Variants in NCAM2 observed in about 807,000 individuals in gnomAD.
NCAM2 encodes N-CAM-2.
In NCAM2, 30 loss-of-function variants were observed where a neutral mutation model predicts 98.1. The ratio of observed to expected loss-of-function variants is 0.31; its 90% CI spans 0.23 to 0.41. The LOEUF is 0.41. Among genes scored for constraint, NCAM2 ranks in the 10% least tolerant of loss-of-function variants. The pLI is 1.00. For synonymous variants in NCAM2, 368 were observed against 342.4 expected, an observed-to-expected ratio of 1.07 and a Z score of -0.83; for missense variants, 867 against 1,005.8, an observed-to-expected ratio of 0.86 and a Z score of 1.87.
chr21:21,533,166 C>CTTTTTTTTTTTTTTTTTTTTTTTTTTTTT (rs201532023), intron 16 of NCAM2, among the ~76,000 whole-genome samples: 2 of 93,794 alleles, frequency 2.1e-5, no homozygotes, highest in African/African-American at 4.2e-5. Flanking sequence ...TGTTTGCTTG[C>CTTTTTTTTTTTTTTTTTTTTTTTTTTTTT]TTTTTTTTTT....
At position 21,164,054 on chromosome 21, in the gene NCAM2, G is replaced by GA. The variant is rs555805292; in HGVS notation, c.56-116516dup. On this transcript the variant is annotated intron_variant, in intron 1 of 17. Transcript: ENST00000400546. ...GTCTCAACCAACATCCCAGGACCTA[G>GA]AAAAAAAATCTATTTATATTTAGCA... Among the ~76,000 whole-genome samples the GA allele has an allele frequency of 6.6e-5, 10 of 151,942 alleles. No homozygotes were observed. In the East Asian group the frequency reaches 7.8e-4, roughly 12 times the overall value.
rs1337739635 is a variant in NCAM2 at position 21,411,005 on chromosome 21, T to TA, written c.1383+555dup. Among the ~76,000 whole-genome samples, 125 of 98,618 alleles carry TA rather than the reference T, an allele frequency of 1.3e-3. 2 individuals are homozygous for TA. Among genetic ancestry groups the TA allele is most frequent in the Middle Eastern group, 6.7e-3 (1 of 150 alleles). 64.7% of individuals were successfully genotyped at this position (98,618 alleles called of 152,430 possible). ...CTGGTGACAGAGCGAGACTCCGTCT[T>TA]AAAAAAAAAAATATATATATATATA... On this transcript the variant is annotated intron_variant, in intron 10 of 17. Coordinates refer to ENST00000400546, the MANE Select transcript of NCAM2 (RefSeq NM_004540.5).
At chr21:21,371,865 GCACA>G (rs5842919) in intron 8 of NCAM2, among the ~76,000 whole-genome samples, 5,213 of 148,330 alleles carry the variant, frequency 0.035, 200 homozygotes, top group African/African-American at 0.099. Flanking sequence ...AAATGCGCGT[GCACA>G]CACACACACA....
At chr21:21,479,033 G>A (rs909469412) in intron 15 of NCAM2, among the ~76,000 whole-genome samples, 2 of 152,058 alleles carry the variant, frequency 1.3e-5, no homozygotes, top group African/African-American at 4.8e-5. Context: ...CATGCTATAC[G>A]TATTCCCATA....
intron 15 of NCAM2, among the ~76,000 whole-genome samples, chr21:21,485,209 C>A (rs1409191511): frequency 1.3e-5 from 2 of 152,086 alleles, no homozygotes; most frequent in South Asian, 4.1e-4. Flanking sequence ...AATTTGAACA[C>A]CGATTAATTT....
intron 9 of NCAM2, among the ~76,000 whole-genome samples, chr21:21,392,332 T>A (rs1030251136): frequency 2.0e-5 from 3 of 152,250 alleles, no homozygotes; most frequent in African/African-American, 7.2e-5. Flanking sequence ...GTACCACATT[T>A]TCTTTATCCA....
chr21:21,287,674 A>G (rs2073148762), intron 4 of NCAM2, among the ~76,000 whole-genome samples: 1 of 151,920 alleles, frequency 6.6e-6, no homozygotes, highest in African/African-American at 2.4e-5. Flanking sequence ...TTTATTTTTA[A>G]AAGTCAAATA....
chr21:21,244,844 TA>T (rs11410837), intron 1 of NCAM2, among the ~76,000 whole-genome samples: 15 of 99,934 alleles, frequency 1.5e-4, no homozygotes, highest in African/African-American at 4.4e-4. Flanking sequence ...AGACTCTGTC[TA>T]AAAAAAAAAA....
At chr21:21,037,054 A>T (rs2064814976) in intron 1 of NCAM2, among the ~76,000 whole-genome samples, 1 of 151,940 alleles carries the variant, frequency 6.6e-6, no homozygotes. Context: ...TTTTTTTGAG[A>T]TGGTCTCACT....
At chr21:21,310,008 GAT>G (rs1419819648) in intron 5 of NCAM2, among the ~76,000 whole-genome samples, 6 of 152,116 alleles carry the variant, frequency 3.9e-5, no homozygotes, top group African/African-American at 1.4e-4. Flanking sequence ...GATATTTTTA[GAT>G]ATATGTTTCA....
chr21:21,291,023 A>G (rs1236149088), intron 4 of NCAM2, among the ~76,000 whole-genome samples: 1 of 115,540 alleles, frequency 8.7e-6, no homozygotes, highest in Non-Finnish European at 1.8e-5. Context: ...GATAGGGAAA[A>G]AAGCAGTACA....
chr21:21,200,637 G>T (rs9306002), intron 1 of NCAM2, among the ~76,000 whole-genome samples: 151,934 of 151,934 alleles, frequency 1, 75,967 homozygotes, highest in Non-Finnish European at 1. Flanking sequence ...TTTTTTGCTG[G>T]TTAACTTACC....
chr21:21,244,784 T>C (rs868149952), intron 1 of NCAM2, among the ~76,000 whole-genome samples: 3 of 146,782 alleles, frequency 2.0e-5, no homozygotes, highest in Middle Eastern at 7.0e-3. Flanking sequence ...GAGGCGGAGG[T>C]TGCAGTGAGC....
At chr21:21,224,847 A>G (rs111954353) in intron 1 of NCAM2, among the ~76,000 whole-genome samples, 3 of 152,296 alleles carry the variant, frequency 2.0e-5, no homozygotes, top group South Asian at 2.1e-4. Flanking sequence ...TTAGTTGCAT[A>G]TTACCTTAAA....
intron 12 of NCAM2, among the ~76,000 whole-genome samples, chr21:21,438,563 A>G (rs1978743283): frequency 6.6e-6 from 1 of 152,210 alleles, no homozygotes. Context: ...ATAGAGATAT[A>G]GAATGTGAGT....
chr21:21,445,769 T>C (rs565181456), intron 12 of NCAM2, among the ~76,000 whole-genome samples: 1 of 152,180 alleles, frequency 6.6e-6, no homozygotes, highest in Non-Finnish European at 1.5e-5. Context: ...GGGTCTTGAC[T>C]CTTTATCCAC....
chr21:21,412,805 A>G (rs1213541800), intron 10 of NCAM2, among the ~76,000 whole-genome samples: 2 of 152,158 alleles, frequency 1.3e-5, no homozygotes, highest in African/African-American at 4.8e-5. Flanking sequence ...GCATAACAAA[A>G]TAACAATAAT....
chr21:21,387,832 T>C (rs2076301944), intron 9 of NCAM2, among the ~76,000 whole-genome samples: 1 of 152,064 alleles, frequency 6.6e-6, no homozygotes, highest in African/African-American at 2.4e-5. Context: ...GAGAAACCAA[T>C]GACTTTAAAA....
At chr21:21,437,218 G>A (rs1352038060) in intron 12 of NCAM2, among the ~76,000 whole-genome samples, 2 of 152,088 alleles carry the variant, frequency 1.3e-5, no homozygotes, top group East Asian at 1.9e-4. Context: ...AGTTGTCGTT[G>A]TTGTTGTTAT....
Sources: allele counts gnomAD v4.1 joint callset (sites outside exome capture counted in the v4.1 genomes callset), GRCh38; gene constraint gnomAD v4.1.1; transcripts MANE v1.5; gene names NCBI Gene and HGNC (gene_info 2026-07-23, HGNC 2026-07-21).